The following SLA2 variants were observed in gnomAD, a reference collection of about 807,000 sequenced individuals.
SLA2 encodes Src like adaptor 2.
A neutral mutation model predicts 27.3 loss-of-function variants in SLA2; 22 were observed. The ratio of observed to expected loss-of-function variants is 0.81; its 90% confidence interval spans 0.58 to 1.15. SLA2 has a LOEUF of 1.15. Ranked by LOEUF, SLA2 falls within the 50% of genes most tolerant of loss-of-function variation. The pLI is 0.00. For missense variants in SLA2, 304 were observed against 322.2 expected (o/e 0.94, Z 0.43); for synonymous variants, 131 against 137.8 (o/e 0.95, Z 0.34).
rs1170566200 is a variant in SLA2 at position 36,641,301 on chromosome 20, G to A, written c.35C>T (p.Pro12Leu). The part of the protein sequence containing the change: ...GSLPSRRKSL[P>L]SPSLSSSVQG... ...GACAGAGGAACTCAAGCTTGGGCTT[G>A]GCAGAGATTTTCTTCTGCTGGGCAG... is the stretch of plus-strand genomic sequence containing the variant. Residue 12 changes from proline (P) to leucine (L), a missense_variant, in exon 2 of 8, where the codon CCA (proline) becomes CTA (leucine). Coordinates refer to ENST00000262866, the MANE Select transcript of SLA2 (RefSeq NM_032214.4). 2.5e-6 allele frequency: 4 copies of A among 1,613,966 alleles called. No homozygotes were observed. The Admixed American group carries it at 5.0e-5, about 20-fold the overall frequency.
rs117879796 is a variant in SLA2, at chr20:36,621,504, C to T, written c.383-6130G>A. 6.7e-3 allele frequency: 1,971 copies of T among 292,132 alleles called. 7 individuals carry two copies. The highest frequency in any genetic ancestry group is 0.011 in the Non-Finnish European group (1,602 of 151,260). The allele number at this position is 292,132 out of a possible 1,614,324, so 18.1% of individuals were successfully genotyped here. ...GTCACCAGGCTGAAGTGCAGTGGCG[C>T]GATCTCGGCTCACTGCAGGATCTCT... On this transcript the variant is annotated intron_variant, in intron 5 of 7. Transcript: ENST00000262866.
chr20:36,615,911 C>T (rs546081436), intron 5 of SLA2, among the ~76,000 whole-genome samples: 3 of 152,222 alleles, frequency 2.0e-5, no homozygotes, highest in East Asian at 1.9e-4. Flanking sequence ...GCAAACAGCC[C>T]GTTTGTGCTC....
At chr20:36,622,740 C>CT (rs2039297534) in intron 5 of SLA2, among the ~76,000 whole-genome samples, 1 of 152,186 alleles carries the variant, frequency 6.6e-6, no homozygotes, top group South Asian at 2.1e-4. Flanking sequence ...CTTCCTGTCT[C>CT]TAACTCTCAC....
intron 5 of SLA2, among the ~76,000 whole-genome samples, chr20:36,625,218 T>TTTC (rs2039325005): frequency 7.4e-6 from 1 of 135,836 alleles, no homozygotes; most frequent in Non-Finnish European, 1.5e-5. Context: ...GTACCCTGAT[T>TTTC]TTTTTTTTTT....
chr20:36,636,826 C>T (rs930742128), intron 2 of SLA2, among the ~76,000 whole-genome samples: 3 of 151,340 alleles, frequency 2.0e-5, no homozygotes, highest in African/African-American at 7.3e-5. Flanking sequence ...TGGCACGTCC[C>T]TGTAATCCCA....
intron 5 of SLA2, chr20:36,621,450 G>GT (rs202148495): frequency 0.014 from 6,440 of 465,860 alleles, 170 homozygotes; most frequent in African/African-American, 0.085. Flanking sequence ...CTATAGTGTT[G>GT]TTTTTTTTTT....
intron 6 of SLA2, chr20:36,614,727 A>C: frequency 1.0e-6 from 1 of 985,470 alleles, no homozygotes; most frequent in Non-Finnish European, 1.2e-6. Flanking sequence ...AGGAATGCTC[A>C]GTCTACTTCT....
intron 1 of SLA2, among the ~76,000 whole-genome samples, chr20:36,643,545 A>G (rs80238580): frequency 0.02 from 3,021 of 152,264 alleles, 112 homozygotes; most frequent in African/African-American, 0.069. Context: ...CATCAATATC[A>G]TGGAGTGATT....
chr20:36,617,580 G>A (rs551222404), intron 5 of SLA2, among the ~76,000 whole-genome samples: 3 of 151,706 alleles, frequency 2.0e-5, no homozygotes, highest in African/African-American at 7.2e-5. Flanking sequence ...TTAATGGGCC[G>A]GGCGCGGTGG....
At position 36,613,639 on chromosome 20, in the gene SLA2, C is replaced by G. The variant is rs891938155; in HGVS notation, c.*227G>C. 1.9e-5 allele frequency: 9 copies of G among 478,842 alleles called. No homozygotes were observed. The highest frequency in any genetic ancestry group is 1.6e-4 in the African/African-American group (8 of 50,228). The allele number at this position is 478,842 out of a possible 1,614,324, so 29.7% of individuals were successfully genotyped here. On this transcript the variant is annotated 3_prime_UTR_variant, in exon 8 of 8. Coordinates refer to ENST00000262866, the MANE Select transcript of SLA2 (RefSeq NM_032214.4). The stretch of plus-strand genomic sequence containing the variant: ...AACCCTGGCCCTGGTCCCACCTTCT[C>G]TGCACTCGCACTAGAGGTCGCAGGT...
intron 2 of SLA2, among the ~76,000 whole-genome samples, chr20:36,640,484 G>A (rs1284511410): frequency 6.6e-6 from 1 of 150,790 alleles, no homozygotes; most frequent in Admixed American, 6.6e-5. Flanking sequence ...CACTTAAAAT[G>A]TGGCTGGGGT....
intron 5 of SLA2, among the ~76,000 whole-genome samples, chr20:36,617,458 C>T (rs1221850190): frequency 6.9e-6 from 1 of 144,846 alleles, no homozygotes; most frequent in South Asian, 2.2e-4. Flanking sequence ...TGCTTGAGCC[C>T]GGGAGGTGAA....
In SLA2 at chr20:36,614,307, G is replaced by A; in HGVS notation, c.663C>T (p.Asp221=). ...QRTPLNWKEL[D]SSLLFSEAAT... is the part of the protein sequence containing the mutation. ...TTTCCAGGAGTCCCCAACTTTACCT[G>A]TCCAGCTCTTTCCAGTTGAGTGGTG... Residue 221 remains aspartate (D), a splice_region_variant and synonymous_variant, in exon 7 of 8, where the codon GAC becomes GAT. Transcript: ENST00000262866. 6.2e-7 allele frequency: 1 copy of A among 1,614,170 alleles called. No homozygotes were observed. Among genetic ancestry groups the A allele is most frequent in the African/African-American group, 1.3e-5 (1 of 75,036 alleles).
intron 5 of SLA2, among the ~76,000 whole-genome samples, chr20:36,625,216 A>ATTTTTT (rs71186005): frequency 5.0e-4 from 39 of 78,470 alleles, no homozygotes; most frequent in Non-Finnish European, 6.4e-4. Flanking sequence ...ACGTACCCTG[A>ATTTTTT]TTTTTTTTTT....
At chr20:36,614,579 T>C (rs1044561721) in intron 6 of SLA2, 142 bp from the exon 7 acceptor site, 1 of 1,439,634 alleles carries the variant, frequency 6.9e-7, no homozygotes, top group African/African-American at 1.4e-5. Flanking sequence ...AAGCTATTGG[T>C]TTCATGGAGA....
chr20:36,636,821 C>T lies in SLA2; in HGVS notation c.92-2232G>A, dbSNP rs563963836. On this transcript the variant is annotated intron_variant, in intron 2 of 7. Transcript: ENST00000262866. ...AAATTAGCTGGGCTTGGTGGTGGCACGTCCCTGTAATCCCAGCTACTTAGG... is the reference window on the plus strand; with the variant it reads ...AAATTAGCTGGGCTTGGTGGTGGCATGTCCCTGTAATCCCAGCTACTTAGG... Among the ~76,000 whole-genome samples, 44 of 150,846 alleles carry T rather than the reference C, an allele frequency of 2.9e-4. No homozygotes were observed. The South Asian group carries it at 9.0e-3, about 31-fold the overall frequency.
intron 7 of SLA2, 151 bp from the exon 8 acceptor site, chr20:36,614,137 C>T: frequency 1.4e-6 from 2 of 1,468,390 alleles, no homozygotes; most frequent in Non-Finnish European, 1.9e-6. Context: ...TTCCCCAGCC[C>T]CACCTGTCGA....
At chr20:36,629,783 T>A (rs566274593) in intron 5 of SLA2, among the ~76,000 whole-genome samples, 1 of 151,664 alleles carries the variant, frequency 6.6e-6, no homozygotes, top group East Asian at 1.9e-4. Flanking sequence ...CAAAAAAGTA[T>A]AATAATTATC....
At chr20:36,632,835 G>C in intron 4 of SLA2, 137 bp from the exon 5 acceptor site, 1 of 683,292 alleles carries the variant, frequency 1.5e-6, no homozygotes, top group Non-Finnish European at 2.5e-6. Context: ...GCTCCACGAA[G>C]AGCTGGGCTC....
Sources: gnomAD v4.1 joint callset for allele counts (sites outside exome capture counted in the v4.1 genomes callset) on GRCh38, gnomAD v4.1.1 for gene constraint, MANE v1.5 for transcripts, NCBI Gene and HGNC (gene_info 2026-07-23, HGNC 2026-07-21) for gene names.